Variants in PPP1R9A observed in about 807,000 individuals in gnomAD.
PPP1R9A encodes the protein neurabin-1.
Under a neutral mutation model 141.9 loss-of-function variants are expected in PPP1R9A, and 59 were observed. The observed-to-expected ratio is 0.42, with a 90% confidence interval of 0.34 to 0.52. The LOEUF (loss-of-function observed/expected upper bound fraction) is 0.52, where lower values mean the gene tolerates loss of function less well. Ranked by LOEUF, PPP1R9A falls within the 20% of genes least tolerant of loss-of-function variation. The pLI is 0.10. For synonymous variants in PPP1R9A, 500 were observed against 569.7 expected (o/e 0.88, Z 1.74); for missense variants, 1,444 against 1,611.9 (o/e 0.90, Z 1.78).
intron 2 of PPP1R9A, among the ~76,000 whole-genome samples, 180 bp downstream of exon 2, chr7:94,911,688 A>G (rs1322717507): frequency 1.3e-5 from 2 of 152,172 alleles, no homozygotes; most frequent in African/African-American, 4.8e-5. Flanking sequence ...GATATCAATT[A>G]CATTTCTTAA....
At chr7:95,205,002 C>T (rs953956137) in intron 7 of PPP1R9A, among the ~76,000 whole-genome samples, 1 of 150,630 alleles carries the variant, frequency 6.6e-6, no homozygotes, top group Non-Finnish European at 1.5e-5. Flanking sequence ...ACACACCATA[C>T]ACACCACACA....
intron 2 of PPP1R9A, among the ~76,000 whole-genome samples, chr7:95,010,356 A>G (rs2151614206): frequency 6.6e-6 from 1 of 152,182 alleles, no homozygotes; most frequent in East Asian, 1.9e-4. Flanking sequence ...ATGAGCTGTG[A>G]TTGTGCCACT....
rs766250779 is a variant in PPP1R9A at position 95,269,327 on chromosome 7, G to A, written c.2944G>A (p.Val982Met). ...VPPLTPVDSN[V>M]PFSSDHIAEF... ...ACCCCTCACCCCGGTGGATAGCAAT[G>A]TGCCCTTCTCGTCTGACCACATAGC... The change falls in exon 14 of 20, where the codon GTG (valine) becomes ATG (methionine). Residue 982 changes from valine to methionine, a missense_variant. This residue lies in a region of PPP1R9A where 459 missense variants were observed against 513.8 expected (regional missense o/e 0.89). Transcript: ENST00000433360. 2.9e-5 allele frequency: 46 copies of A among 1,598,452 alleles called. No individual in the cohort carries two copies. Among genetic ancestry groups the A allele is most frequent in the Admixed American group, 1.7e-4 (10 of 59,816 alleles).
chr7:95,251,671 T>G, intron 10 of PPP1R9A, 91 bp from the exon 11 acceptor site: 1 of 1,188,272 alleles, frequency 8.4e-7, no homozygotes. Context: ...ACTGTTCAGT[T>G]GCTTATCCTA....
At chr7:95,249,042 A>G (rs1411633033) in intron 9 of PPP1R9A, among the ~76,000 whole-genome samples, 2 of 152,120 alleles carry the variant, frequency 1.3e-5, no homozygotes, top group African/African-American at 4.8e-5. Context: ...CCAGAGAGTT[A>G]TTGGGAATGA....
chr7:95,019,817 T>TC (rs56393400), intron 2 of PPP1R9A, among the ~76,000 whole-genome samples: 1 of 151,692 alleles, frequency 6.6e-6, no homozygotes, highest in Non-Finnish European at 1.5e-5. Flanking sequence ...GCATTAAACA[T>TC]CCCCCCTCGC....
intron 2 of PPP1R9A, among the ~76,000 whole-genome samples, chr7:95,033,869 T>G (rs1808063776): frequency 6.6e-6 from 1 of 152,186 alleles, no homozygotes; most frequent in Admixed American, 6.5e-5. Flanking sequence ...GTCCCATTTG[T>G]CTTTTGTTTT....
chr7:95,020,038 CATT>C (rs1281877893), intron 2 of PPP1R9A, among the ~76,000 whole-genome samples: 3 of 120,194 alleles, frequency 2.5e-5, no homozygotes, highest in African/African-American at 8.8e-5. Flanking sequence ...ATGGCTATAT[CATT>C]ATCATCATCA....
chr7:95,286,234 C>G lies in PPP1R9A; in HGVS notation c.3638C>G (p.Pro1213Arg), dbSNP rs1414135058. 1 of 1,613,280 alleles carries G rather than the reference C, an allele frequency of 6.2e-7. No individual in the cohort carries two copies. Among genetic ancestry groups the G allele is most frequent in the African/African-American group, 1.3e-5 (1 of 74,860 alleles). Reference protein sequence around the residue: ...NNFTFNDDFSPSSTSSADLSG... With the variant: ...NNFTFNDDFSRSSTSSADLSG... Reference sequence around the variant, plus strand: ...TTTACCTTCAATGATGACTTCAGTCCCAGCAGTACCAGTTCAGCAGACCTC... The same window carrying G: ...TTTACCTTCAATGATGACTTCAGTCGCAGCAGTACCAGTTCAGCAGACCTC... Residue 1213 changes from proline (P) to arginine (R), a missense_variant, in exon 18 of 20, where the codon CCC becomes CGC. Pro to Arg is a moderately radical substitution (Grantham distance 103). Coordinates refer to ENST00000433360, the MANE Select transcript of PPP1R9A (RefSeq NM_001166160.2).
intron 2 of PPP1R9A, among the ~76,000 whole-genome samples, chr7:95,027,359 T>G (rs1014255562): frequency 2.0e-5 from 3 of 152,144 alleles, no homozygotes; most frequent in African/African-American, 7.2e-5. Context: ...CCTCTTGCAC[T>G]TCCTGGGTGA....
chr7:95,095,497 TG>T (rs923191078), intron 2 of PPP1R9A, among the ~76,000 whole-genome samples: 5 of 152,236 alleles, frequency 3.3e-5, no homozygotes, highest in African/African-American at 1.2e-4. Flanking sequence ...TTGATTATCT[TG>T]TTTCCTGTAA....
intron 2 of PPP1R9A, among the ~76,000 whole-genome samples, chr7:95,101,099 G>A (rs895526081): frequency 2.0e-5 from 3 of 151,814 alleles, no homozygotes; most frequent in African/African-American, 7.3e-5. Flanking sequence ...TGATCCGCCC[G>A]CCTCGGCCTC....
chr7:94,961,689 G>A (rs35233485), intron 2 of PPP1R9A, among the ~76,000 whole-genome samples: 35,721 of 151,704 alleles, frequency 0.24, 5,045 homozygotes, highest in South Asian at 0.41. Flanking sequence ...GGATACAAAT[G>A]TCCTTTTAGG....
chr7:95,224,787 A>G (rs903080228), intron 7 of PPP1R9A, among the ~76,000 whole-genome samples: 1 of 152,018 alleles, frequency 6.6e-6, no homozygotes, highest in Non-Finnish European at 1.5e-5. Flanking sequence ...AAAAACAGCA[A>G]TCAGATGCTG....
rs75601223 is a variant in PPP1R9A at position 95,106,306 on chromosome 7, G to A, written c.1396-4953G>A. On this transcript the variant is annotated intron_variant, in intron 2 of 19. Transcript: ENST00000433360. ...ACCATTTTGTAAATAAGGAGACTGC[G>A]CCTTAGCATGGTTTTACAACTTGGC... Among the ~76,000 whole-genome samples, 344 of 152,234 alleles carry A rather than the reference G, an allele frequency of 2.3e-3. 4 individuals carry two copies. Among genetic ancestry groups the A allele is most frequent in the African/African-American group, 7.7e-3 (318 of 41,542 alleles).
At chr7:95,230,624 A>T (rs1331731772) in intron 8 of PPP1R9A, among the ~76,000 whole-genome samples, 1 of 152,248 alleles carries the variant, frequency 6.6e-6, no homozygotes, top group African/African-American at 2.4e-5. Flanking sequence ...ATTTTAAAAA[A>T]TGAGTAAAGC....
chr7:95,045,987 C>T (rs1462095843), intron 2 of PPP1R9A, among the ~76,000 whole-genome samples: 1 of 151,824 alleles, frequency 6.6e-6, no homozygotes, highest in African/African-American at 2.4e-5. Flanking sequence ...GTATAATTAT[C>T]AGTGTTGAGT....
Position 95,290,292 on chromosome 7 carries a change from G to A in PPP1R9A, c.4114G>A (p.Gly1372Ser), listed in dbSNP as rs1206317734. 2 of 1,609,698 alleles carry A rather than the reference G, an allele frequency of 1.2e-6. No homozygotes were observed. The highest frequency in any genetic ancestry group is 2.2e-5 in the East Asian group (1 of 44,570). The change falls in exon 20 of 20, where the codon GGT becomes AGT. Residue 1372 changes from glycine (G) to serine (S), a missense_variant. By Grantham distance (56) the Gly-to-Ser change is moderately conservative (BLOSUM62 0). Transcript: ENST00000433360. ...GACGTCAACTACAGCCGAGGGTGCT[G>A]GTGAGCAGTAACACATACCCTCTTA... ...KMTSTTAEGA[G>S]EQ
At chr7:95,078,842 G>A (rs1815298883) in intron 2 of PPP1R9A, among the ~76,000 whole-genome samples, 1 of 151,568 alleles carries the variant, frequency 6.6e-6, no homozygotes, top group Non-Finnish European at 1.5e-5. Flanking sequence ...TTTTTTTCTT[G>A]TAAATTTGTT....
Sources: allele counts gnomAD v4.1 joint callset (sites outside exome capture counted in the v4.1 genomes callset), GRCh38; gene constraint gnomAD v4.1.1; regional missense constraint gnomAD v4.1.1; transcripts MANE v1.5; gene names NCBI Gene and HGNC (gene_info 2026-07-23, HGNC 2026-07-21).